Variants in PTPRG observed in about 807,000 individuals in gnomAD.
PTPRG encodes receptor-type tyrosine-protein phosphatase gamma.
Under a neutral mutation model 165.3 loss-of-function variants are expected in PTPRG, and 102 were observed. The observed-to-expected ratio is 0.62, with a 90% CI of 0.53 to 0.73. PTPRG has a LOEUF of 0.73. Among genes scored for constraint, PTPRG ranks in the 30% least tolerant of loss-of-function variants. The pLI is 0.00. For missense variants in PTPRG, 1,866 were observed against 1,861.4 expected (o/e 1.00, Z -0.05); for synonymous variants, 675 against 669.5 (o/e 1.01, Z -0.13).
chr3:61,972,658 CTT>C (rs60516628), intron 2 of PTPRG, among the ~76,000 whole-genome samples: 4 of 137,702 alleles, frequency 2.9e-5, no homozygotes, highest in Admixed American at 7.3e-5. Context: ...TTTTTCTTTT[CTT>C]TTTTTTTTTT....
chr3:61,592,243 A>G (rs1700586678), intron 1 of PTPRG, among the ~76,000 whole-genome samples: 1 of 152,110 alleles, frequency 6.6e-6, no homozygotes, highest in Non-Finnish European at 1.5e-5. Flanking sequence ...CTGGGATTAC[A>G]GGTGTGAGCC....
At chr3:61,661,097 A>G (rs578156283) in intron 1 of PTPRG, among the ~76,000 whole-genome samples, 1 of 152,094 alleles carries the variant, frequency 6.6e-6, no homozygotes, top group Admixed American at 6.6e-5. Flanking sequence ...TTAAGAGACA[A>G]GAGTCTTGCT....
At chr3:62,045,529 G>A (rs998097885) in intron 4 of PTPRG, among the ~76,000 whole-genome samples, 1 of 152,170 alleles carries the variant, frequency 6.6e-6, no homozygotes, top group Non-Finnish European at 1.5e-5. Context: ...CCAGCTCTTA[G>A]ATTTAAATCT....
At chr3:62,020,333 C>A (rs529107486) in intron 4 of PTPRG, among the ~76,000 whole-genome samples, 10 of 152,120 alleles carry the variant, frequency 6.6e-5, no homozygotes, top group African/African-American at 2.2e-4. Context: ...AGAAAAAAAA[C>A]CAGAACAATG....
intron 1 of PTPRG, among the ~76,000 whole-genome samples, chr3:61,573,752 A>C (rs1305882058): frequency 6.6e-6 from 1 of 152,196 alleles, no homozygotes; most frequent in East Asian, 1.9e-4. Context: ...ATGTTTTAGA[A>C]GACATTGATG....
intron 2 of PTPRG, among the ~76,000 whole-genome samples, chr3:61,783,384 T>G (rs2034600813): frequency 6.6e-6 from 1 of 152,176 alleles, no homozygotes; most frequent in Non-Finnish European, 1.5e-5. Flanking sequence ...ATGCCAAGCA[T>G]TCCTAGGAAC....
chr3:62,282,604 G>C, intron 27 of PTPRG, 123 bp from the exon 28 acceptor site: 1 of 951,656 alleles, frequency 1.1e-6, no homozygotes, highest in Admixed American at 3.0e-5. Flanking sequence ...CTGTGGTTTG[G>C]TTAACACAAC....
chr3:61,621,911 A>T (rs1575544241), intron 1 of PTPRG, among the ~76,000 whole-genome samples: 1 of 152,340 alleles, frequency 6.6e-6, no homozygotes, highest in East Asian at 1.9e-4. Flanking sequence ...AATAGCCAGC[A>T]CATGGTCTGG....
chr3:62,111,682 C>T (rs1431180130), intron 5 of PTPRG, among the ~76,000 whole-genome samples: 1 of 152,172 alleles, frequency 6.6e-6, no homozygotes, highest in African/African-American at 2.4e-5. Flanking sequence ...CTCCTGGCCT[C>T]AGGTGACCCT....
chr3:62,293,811 T>C lies in PTPRG; in HGVS notation c.*504T>C, dbSNP rs1266194075. On this transcript the variant is annotated 3_prime_UTR_variant, in exon 30 of 30. Transcript: ENST00000474889. ...TGGAGTGGATAGCATTGTTTTCTTT[T>C]ACAGACTAGCAGGCTACTGGGACCT... 6.6e-6 allele frequency: 1 copy of C among 152,536 alleles called. No homozygotes were observed. Among genetic ancestry groups the C allele is most frequent in the Non-Finnish European group, 1.5e-5 (1 of 68,018 alleles). 9.4% of individuals were successfully genotyped at this position (152,536 alleles called of 1,614,324 possible).
intron 2 of PTPRG, among the ~76,000 whole-genome samples, chr3:61,805,651 T>G (rs1347513659): frequency 6.6e-6 from 1 of 151,462 alleles, no homozygotes; most frequent in Non-Finnish European, 1.5e-5. Flanking sequence ...GGTCATGGAG[T>G]CTAAGTTAAA....
intron 2 of PTPRG, among the ~76,000 whole-genome samples, chr3:61,908,794 T>G (rs1575774108): frequency 6.6e-6 from 1 of 152,220 alleles, no homozygotes; most frequent in Non-Finnish European, 1.5e-5. Context: ...ATCAATTATG[T>G]TGCAGTGATT....
At chr3:62,061,910 G>C (rs1043451716) in intron 4 of PTPRG, among the ~76,000 whole-genome samples, 4 of 151,904 alleles carry the variant, frequency 2.6e-5, no homozygotes, top group African/African-American at 9.7e-5. Context: ...GATTACAGGC[G>C]TGAGCCACTG....
At chr3:61,677,521 C>T (rs1368466419) in intron 1 of PTPRG, among the ~76,000 whole-genome samples, 2 of 152,136 alleles carry the variant, frequency 1.3e-5, no homozygotes, top group East Asian at 3.9e-4. Flanking sequence ...CCCAATAAAT[C>T]AGTGATGAAT....
At chr3:62,279,815 CTTCT>C (rs1333080898) in intron 26 of PTPRG, among the ~76,000 whole-genome samples, 2 of 152,044 alleles carry the variant, frequency 1.3e-5, no homozygotes, top group Admixed American at 6.6e-5. Context: ...TAAACAAAGC[CTTCT>C]TTGTTTTGAA....
chr3:62,157,966 A>G (rs144891122), intron 7 of PTPRG, among the ~76,000 whole-genome samples: 35 of 152,352 alleles, frequency 2.3e-4, no homozygotes, highest in African/African-American at 8.4e-4. Flanking sequence ...AACATGCCCA[A>G]AGATTCATGG....
At chr3:62,239,349 CTTTT>C (rs1168589653) in intron 14 of PTPRG, among the ~76,000 whole-genome samples, 7 of 144,076 alleles carry the variant, frequency 4.9e-5, no homozygotes, top group Non-Finnish European at 9.1e-5. Context: ...TTCTTTCTTT[CTTTT>C]TTCTTTCTTT....
chr3:61,855,946 C>G (rs942683720), intron 2 of PTPRG, among the ~76,000 whole-genome samples: 2 of 151,952 alleles, frequency 1.3e-5, no homozygotes, highest in African/African-American at 4.8e-5. Flanking sequence ...ACAGATATCT[C>G]TATATCCCTC....
At chr3:61,817,619 G>A (rs1263205604) in intron 2 of PTPRG, among the ~76,000 whole-genome samples, 1 of 152,122 alleles carries the variant, frequency 6.6e-6, no homozygotes, top group Non-Finnish European at 1.5e-5. Context: ...TGTGTGGATG[G>A]GACAAACCAC....
Sources: allele counts gnomAD v4.1 joint callset (sites outside exome capture counted in the v4.1 genomes callset), GRCh38; gene constraint gnomAD v4.1.1; transcripts MANE v1.5; gene names NCBI Gene and HGNC (gene_info 2026-07-23, HGNC 2026-07-21).